The following SLIT3 variants were observed in gnomAD, a reference collection of about 807,000 sequenced individuals.
SLIT3 encodes slit guidance ligand 3, also known as slit homolog 3 protein.
Under a neutral mutation model 184.0 loss-of-function variants are expected in SLIT3, and 68 were observed. The observed-to-expected ratio is 0.37, with a 90% CI of 0.30 to 0.45. The LOEUF (loss-of-function observed/expected upper bound fraction) is 0.45. Ranked by LOEUF, SLIT3 falls within the 20% of genes least tolerant of loss-of-function variation. The pLI is 1.00. For missense variants in SLIT3, 1,707 were observed against 2,026.0 expected, an observed-to-expected ratio of 0.84 and a Z score of 3.02; for synonymous variants, 831 against 828.6, an observed-to-expected ratio of 1.00 and a Z score of -0.05.
At chr5:169,285,293 A>G (rs1201298513) in intron 1 of SLIT3, among the ~76,000 whole-genome samples, 2 of 152,150 alleles carry the variant, frequency 1.3e-5, no homozygotes, top group Non-Finnish European at 2.9e-5. Flanking sequence ...TGCCTATCCA[A>G]TTCAATTTGA....
intron 4 of SLIT3, among the ~76,000 whole-genome samples, chr5:169,168,340 T>C (rs1032580366): frequency 1.3e-5 from 2 of 152,224 alleles, no homozygotes; most frequent in African/African-American, 4.8e-5. Context: ...TATTCTACAA[T>C]CTTGTCTTCT....
chr5:169,194,360 G>A (rs1581040755), intron 3 of SLIT3, among the ~76,000 whole-genome samples: 2 of 151,732 alleles, frequency 1.3e-5, no homozygotes, highest in Non-Finnish European at 2.9e-5. Flanking sequence ...GAACAAAGAA[G>A]AGGGCATGGC....
chr5:168,706,576 C>A (rs1178250189), intron 26 of SLIT3: 1 of 152,120 alleles, frequency 6.6e-6, no homozygotes, highest in African/African-American at 2.4e-5. Flanking sequence ...TCTTTTGAAT[C>A]ATCAGTAAAG....
chr5:169,082,793 C>T lies in SLIT3; in HGVS notation c.413+110686G>A, dbSNP rs188691375. The stretch of plus-strand genomic sequence containing the variant: ...TAAGAGCCATTGTTTATCTTTCGAC[C>T]TTACATGATTGGTACCTTACATCAG... On this transcript the variant is annotated intron_variant, in intron 4 of 35. Transcript: ENST00000519560. 4.6e-5 allele frequency among the ~76,000 whole-genome samples: 7 copies of T among 152,260 alleles called. No individual in the cohort carries two copies. In the East Asian group the frequency reaches 1.4e-3, roughly 29 times the overall value.
chr5:168,726,254 C>T (rs1026101143), intron 20 of SLIT3, among the ~76,000 whole-genome samples: 33 of 150,792 alleles, frequency 2.2e-4, no homozygotes, highest in Middle Eastern at 3.4e-3. Flanking sequence ...ATTTATTGAA[C>T]GATTATGATG....
intron 4 of SLIT3, among the ~76,000 whole-genome samples, chr5:169,114,839 G>A (rs1292071237): frequency 6.6e-6 from 1 of 152,240 alleles, no homozygotes; most frequent in Admixed American, 6.5e-5. Context: ...TGACATTATA[G>A]CTGGCAGCCG....
chr5:169,060,656 C>T (rs942821285), intron 4 of SLIT3, among the ~76,000 whole-genome samples: 1 of 152,182 alleles, frequency 6.6e-6, no homozygotes, highest in Admixed American at 6.5e-5. Flanking sequence ...CTCTATTGCA[C>T]CAAGTGACAC....
At chr5:169,248,268 G>A (rs779377211) in intron 2 of SLIT3, among the ~76,000 whole-genome samples, 9 of 151,998 alleles carry the variant, frequency 5.9e-5, no homozygotes, top group Non-Finnish European at 1.2e-4. Flanking sequence ...TCTTTACTTC[G>A]CTCTCCTCAT....
intron 8 of SLIT3, 38 bp downstream of exon 8, chr5:168,817,262 C>A: frequency 6.2e-7 from 1 of 1,603,668 alleles, no homozygotes; most frequent in Non-Finnish European, 8.5e-7. Context: ...GTGGGTGGGT[C>A]ATAGCACAGG....
chr5:169,126,058 C>T (rs974949757), intron 4 of SLIT3, among the ~76,000 whole-genome samples: 13 of 152,128 alleles, frequency 8.5e-5, no homozygotes, highest in Non-Finnish European at 1.8e-4. Context: ...CAGACAGAAG[C>T]GGCCCATGGA....
intron 4 of SLIT3, among the ~76,000 whole-genome samples, chr5:169,076,529 T>G (rs1245454787): frequency 1.3e-5 from 2 of 152,164 alleles, no homozygotes; most frequent in Non-Finnish European, 2.9e-5. Context: ...CTCTCTAGCT[T>G]GCTAAAACTT....
chr5:169,183,520 G>A (rs1238085259), intron 4 of SLIT3, among the ~76,000 whole-genome samples: 1 of 152,140 alleles, frequency 6.6e-6, no homozygotes, highest in East Asian at 1.9e-4. Flanking sequence ...GTCCAGTGCT[G>A]TTCAACAAAG....
chr5:168,821,956 G>A (rs1462171452), intron 7 of SLIT3, among the ~76,000 whole-genome samples: 1 of 152,112 alleles, frequency 6.6e-6, no homozygotes, highest in Admixed American at 6.6e-5. Context: ...AGATAAAGTT[G>A]CTTTCTCATG....
intron 6 of SLIT3, 25 bp from the exon 7 acceptor site, chr5:168,823,356 G>A (rs1193767242): frequency 6.3e-7 from 1 of 1,579,604 alleles, no homozygotes; most frequent in South Asian, 1.1e-5. Context: ...AAGGGAGATG[G>A]TCAGCCAGGC....
chr5:168,773,516 T>C (rs1755637833), intron 13 of SLIT3, among the ~76,000 whole-genome samples: 1 of 151,956 alleles, frequency 6.6e-6, no homozygotes, highest in African/African-American at 2.4e-5. Context: ...CTGCTCCTAC[T>C]GTGTCTTGGT....
At chr5:169,215,877 T>G (rs1372629922) in intron 3 of SLIT3, among the ~76,000 whole-genome samples, 1 of 152,226 alleles carries the variant, frequency 6.6e-6, no homozygotes, top group East Asian at 1.9e-4. Context: ...CTAAAGCCCT[T>G]TATCATCATC....
rs757110449 is a variant in SLIT3, at chr5:168,692,611, A to C, written c.3172T>G (p.Phe1058Val). The change falls in exon 29 of 36, where the codon TTC becomes GTC. Residue 1058 changes from phenylalanine (F) to valine (V), a missense_variant. By Grantham distance (50) the Phe-to-Val change is conservative (BLOSUM62 -1). Around this residue, in one of 3 missense-constraint regions of SLIT3, gnomAD observed 1,307 missense variants for 1,511.6 expected, o/e 0.86. Transcript: ENST00000519560. ...EAKCIPLDKGFSCECVPGYSG... is the reference protein window; with the variant it reads ...EAKCIPLDKGVSCECVPGYSG... ...GGGCACGAAGCCAGGTCTTACCTGA[A>C]TCCTTTGTCCAGGGGGATGCACTTG... 12 of 1,612,788 alleles carry C rather than the reference A, an allele frequency of 7.4e-6. No homozygotes were observed. In the South Asian group the frequency reaches 1.2e-4, roughly 16 times the overall value.
chr5:169,096,849 G>A (rs1023708924), intron 4 of SLIT3, among the ~76,000 whole-genome samples: 2 of 152,198 alleles, frequency 1.3e-5, no homozygotes, highest in Non-Finnish European at 2.9e-5. Flanking sequence ...CTGGTAATGA[G>A]TGGAGCTGAG....
At chr5:169,151,879 T>C (rs1762128303) in intron 4 of SLIT3, among the ~76,000 whole-genome samples, 1 of 152,194 alleles carries the variant, frequency 6.6e-6, no homozygotes, top group Admixed American at 6.5e-5. Context: ...CCCTGCCTCT[T>C]ACAAGCTGAG....
Sources: gnomAD v4.1 joint callset for allele counts (sites outside exome capture counted in the v4.1 genomes callset) on GRCh38, gnomAD v4.1.1 for gene constraint, gnomAD v4.1.1 regional missense constraint, MANE v1.5 for transcripts, NCBI Gene and HGNC (gene_info 2026-07-23, HGNC 2026-07-21) for gene names.